The following DAB1 variants were observed in gnomAD, a reference collection of about 807,000 sequenced individuals.
DAB1 encodes the protein DAB adaptor protein 1, also known as disabled homolog 1.
DAB1 carries 15 observed loss-of-function variants against 64.6 expected under a neutral mutation model. The ratio of observed to expected loss-of-function variants is 0.23; its 90% confidence interval spans 0.16 to 0.36. DAB1 has a LOEUF of 0.36. Among genes scored for constraint, DAB1 ranks in the 10% least tolerant of loss-of-function variants. The probability of loss-of-function intolerance (pLI) is 1.00; values close to 1 mark genes in which losing one functional copy is unlikely to be tolerated. For missense variants in DAB1, 596 were observed against 706.7 expected, an observed-to-expected ratio of 0.84 and a Z score of 1.78; for synonymous variants, 235 against 251.9, an observed-to-expected ratio of 0.93 and a Z score of 0.64.
Position 57,475,538 on chromosome 1 carries a change from G to T in DAB1, n.625+174054C>A, listed in dbSNP as rs1432124389. Among the ~76,000 whole-genome samples the T allele has an allele frequency of 3.3e-5, 5 of 152,212 alleles. No individual in the cohort carries two copies. The East Asian group carries it at 9.6e-4, about 29-fold the overall frequency. The stretch of plus-strand genomic sequence containing the variant: ...GATAAGGAAATCAAGGCAGAGAGAG[G>T]GGTATAGTCACTTGCCACTTGCTGA... On this transcript the variant is annotated intron_variant and non_coding_transcript_variant, in intron 7 of 20. Coordinates refer to the DAB1 transcript ENST00000485760.
intron 6 of DAB1, among the ~76,000 whole-genome samples, chr1:57,753,145 G>C (rs1648632776): frequency 6.6e-6 from 1 of 152,180 alleles, no homozygotes; most frequent in African/African-American, 2.4e-5. Flanking sequence ...TCTTGCTCAT[G>C]TCCAGGAACT....
chr1:57,643,141 C>G (rs1646151196), intron 7 of DAB1, among the ~76,000 whole-genome samples: 1 of 152,190 alleles, frequency 6.6e-6, no homozygotes, highest in Admixed American at 6.5e-5. Context: ...ACATCTCTGT[C>G]TGGGGGCAAT....
intron 7 of DAB1, among the ~76,000 whole-genome samples, chr1:57,466,743 T>C (rs1686966496): frequency 1.3e-5 from 2 of 152,170 alleles, no homozygotes; most frequent in South Asian, 4.1e-4. Flanking sequence ...CACAATTCAG[T>C]TCCATGCAGT....
Position 57,207,446 on chromosome 1 carries a change from C to CTTTTTTTTTTT in DAB1, c.68-62028_68-62018dup, listed in dbSNP as rs772989513. 3.1e-4 allele frequency among the ~76,000 whole-genome samples: 31 copies of CTTTTTTTTTTT among 98,448 alleles called. 1 individual carries two copies. Among genetic ancestry groups the CTTTTTTTTTTT allele is most frequent in the East Asian group, 1.4e-3 (5 of 3,702 alleles). The allele number at this position is 98,448 out of a possible 152,430, so 64.6% of individuals were successfully genotyped here. On this transcript the variant is annotated intron_variant, in intron 2 of 14. Transcript: ENST00000371236. Reference sequence around the variant, plus strand: ...CTGTAATTCATACCTTATTTCCTTTCTTTTTTTTTTTTTTTGAGATGGAGT... The same window carrying CTTTTTTTTTTT: ...CTGTAATTCATACCTTATTTCCTTTCTTTTTTTTTTTTTTTTTTTTTTTTTTGAGATGGAGT...
intron 7 of DAB1, among the ~76,000 whole-genome samples, chr1:57,502,673 G>C (rs1644304045): frequency 6.6e-6 from 1 of 152,138 alleles, no homozygotes; most frequent in Non-Finnish European, 1.5e-5. Flanking sequence ...ATTGATCAAG[G>C]ACTATCTTCA....
intron 5 of DAB1, among the ~76,000 whole-genome samples, chr1:58,102,368 G>A (rs770029161): frequency 6.6e-6 from 1 of 152,170 alleles, no homozygotes; most frequent in Admixed American, 6.5e-5. Flanking sequence ...GTACCCCGGA[G>A]AGCACTTAGT....
chr1:57,759,022 A>G (rs1027090046), intron 6 of DAB1, among the ~76,000 whole-genome samples: 1 of 152,176 alleles, frequency 6.6e-6, no homozygotes, highest in African/African-American at 2.4e-5. Context: ...TAAACAGTTG[A>G]TTCCTAATCA....
chr1:58,534,523 G>A (rs561003312), intron 1 of DAB1, among the ~76,000 whole-genome samples: 1 of 152,230 alleles, frequency 6.6e-6, no homozygotes, highest in South Asian at 2.1e-4. Flanking sequence ...TCTTACAAAG[G>A]AATAAATTCT....
intron 6 of DAB1, among the ~76,000 whole-genome samples, chr1:57,774,038 C>A (rs1649682531): frequency 6.6e-6 from 1 of 151,638 alleles, no homozygotes; most frequent in Admixed American, 6.6e-5. Flanking sequence ...GCGGGGGGAG[C>A]CCCTGTTGTA....
chr1:57,816,031 T>C (rs538984554), intron 6 of DAB1, among the ~76,000 whole-genome samples: 3 of 152,288 alleles, frequency 2.0e-5, no homozygotes, highest in African/African-American at 4.8e-5. Flanking sequence ...CTGGATGATA[T>C]TGAGGGAGCC....
intron 7 of DAB1, among the ~76,000 whole-genome samples, chr1:57,501,470 T>C (rs1460542617): frequency 6.6e-6 from 1 of 152,126 alleles, no homozygotes; most frequent in Non-Finnish European, 1.5e-5. Flanking sequence ...AGATAAGTGT[T>C]TTAAGCCATT....
At chr1:58,354,679 AG>A (rs1644092182) in intron 3 of DAB1, among the ~76,000 whole-genome samples, 1 of 152,080 alleles carries the variant, frequency 6.6e-6, no homozygotes, top group African/African-American at 2.4e-5. Context: ...GAGAGGGAGG[AG>A]GGGAAGTCTG....
At chr1:58,150,402 T>C (rs1284676621) in intron 5 of DAB1, 1 of 152,168 alleles carries the variant, frequency 6.6e-6, no homozygotes, top group Non-Finnish European at 1.5e-5. Context: ...CTCTTTTCCA[T>C]CCCCTATTCA....
chr1:57,452,683 G>C (rs58121843), intron 7 of DAB1, among the ~76,000 whole-genome samples: 4,912 of 152,050 alleles, frequency 0.032, 242 homozygotes, highest in African/African-American at 0.11. Context: ...TATGTGCCAG[G>C]CTCCACTAGT....
upstream of DAB1, among the ~76,000 whole-genome samples, chr1:57,424,736 G>C (rs1004974111): frequency 1.3e-5 from 2 of 152,204 alleles, no homozygotes; most frequent in Non-Finnish European, 2.9e-5. Context: ...GTGCAGGTTC[G>C]GCGGCTCCTG....
At chr1:57,693,123 C>T (rs952648214) in intron 6 of DAB1, among the ~76,000 whole-genome samples, 1 of 152,142 alleles carries the variant, frequency 6.6e-6, no homozygotes, top group Admixed American at 6.5e-5. Context: ...ACCGAGGGCC[C>T]CTGGACTGAT....
At chr1:57,034,890 T>TA (rs1325198405) in intron 9 of DAB1, among the ~76,000 whole-genome samples, 3 of 152,204 alleles carry the variant, frequency 2.0e-5, no homozygotes, top group Admixed American at 1.3e-4. Flanking sequence ...ATGTGACTGT[T>TA]ACTTCCCTCA....
intron 7 of DAB1, among the ~76,000 whole-genome samples, chr1:57,583,260 T>A (rs1200715726): frequency 6.6e-6 from 1 of 151,688 alleles, no homozygotes; most frequent in Admixed American, 6.6e-5. Context: ...ATGCCCTCTC[T>A]GAGCCTCGGT....
intron 4 of DAB1, chr1:58,228,865 C>T (rs1267449719): frequency 1.7e-6 from 1 of 577,640 alleles, no homozygotes; most frequent in Admixed American, 2.1e-5. Context: ...ACCAGCAGGA[C>T]AGAGGCCCAG....
Sources: gnomAD v4.1 joint callset for allele counts (sites outside exome capture counted in the v4.1 genomes callset) on GRCh38, gnomAD v4.1.1 for gene constraint, MANE v1.5 for transcripts, NCBI Gene and HGNC (gene_info 2026-07-23, HGNC 2026-07-21) for gene names.